IMMT: variants seen among roughly 807,000 people sequenced by gnomAD.
IMMT encodes MICOS complex subunit MIC60.
IMMT carries 40 observed loss-of-function variants against 92.7 expected under a neutral mutation model. The observed-to-expected ratio is 0.43, with a 90% CI of 0.34 to 0.56. The LOEUF (loss-of-function observed/expected upper bound fraction) is 0.56. Among genes scored for constraint, IMMT ranks in the 20% least tolerant of loss-of-function variants. The pLI is 0.03. For synonymous variants in IMMT, 322 were observed against 336.1 expected (o/e 0.96, Z 0.46); for missense variants, 831 against 912.1 (o/e 0.91, Z 1.14).
At chr2:86,149,600 G>T (rs746555572) in intron 12 of IMMT, among the ~76,000 whole-genome samples, 7 of 152,178 alleles carry the variant, frequency 4.6e-5, no homozygotes, top group Admixed American at 3.3e-4. Context: ...GGGGAAGGCC[G>T]GGCATGGTAC....
chr2:86,144,057 GT>G lies in IMMT; in HGVS notation c.*210del. ...AGTAAAACCTGAAAAAACAGAAAAT[GT>G]TACACAAGTTGCAAAGAAAGCACTC... On this transcript the variant is annotated 3_prime_UTR_variant, in exon 15 of 15. Coordinates refer to ENST00000410111, the MANE Select transcript of IMMT (RefSeq NM_006839.3). 1.6e-6 allele frequency: 1 copy of G among 610,642 alleles called. No homozygotes were observed. Among genetic ancestry groups the G allele is most frequent in the Non-Finnish European group, 2.8e-6 (1 of 351,124 alleles). The allele number at this position is 610,642 out of a possible 1,614,324, so 37.8% of individuals were successfully genotyped here.
At chr2:86,183,574 T>G (rs912075796) in intron 1 of IMMT, among the ~76,000 whole-genome samples, 4 of 152,132 alleles carry the variant, frequency 2.6e-5, no homozygotes, top group Admixed American at 2.6e-4. Context: ...AAATCTGAGG[T>G]TTTAAATAAT....
At chr2:86,180,261 A>G (rs1672339989) in intron 2 of IMMT, among the ~76,000 whole-genome samples, 1 of 150,910 alleles carries the variant, frequency 6.6e-6, no homozygotes, top group Non-Finnish European at 1.5e-5. Flanking sequence ...AACACAATAA[A>G]CTCTTTTTTT....
At chr2:86,165,210 G>A (rs1376365592) in intron 7 of IMMT, among the ~76,000 whole-genome samples, 1 of 152,138 alleles carries the variant, frequency 6.6e-6, no homozygotes, top group African/African-American at 2.4e-5. Context: ...GTAGTAACAT[G>A]GCATTTAAAG....
chr2:86,185,061 G>A (rs370521038), intron 1 of IMMT, among the ~76,000 whole-genome samples: 13 of 151,950 alleles, frequency 8.6e-5, no homozygotes, highest in Non-Finnish European at 1.5e-4. Context: ...GGCAGTGTGC[G>A]CCTGTAGTCC....
chr2:86,164,051 C>CT (rs1333229562), intron 7 of IMMT, among the ~76,000 whole-genome samples: 1 of 83,054 alleles, frequency 1.2e-5, no homozygotes, highest in African/African-American at 3.8e-5. Flanking sequence ...CCACTTTAGT[C>CT]ATTTTTTTTT....
At chr2:86,177,833 A>T (rs1677538597) in intron 3 of IMMT, among the ~76,000 whole-genome samples, 1 of 152,176 alleles carries the variant, frequency 6.6e-6, no homozygotes, top group Non-Finnish European at 1.5e-5. Flanking sequence ...GATAGCTGCA[A>T]CAGTATGGGA....
chr2:86,158,459 T>C, intron 10 of IMMT, 133 bp downstream of exon 10: 2 of 659,168 alleles, frequency 3.0e-6, no homozygotes, highest in Non-Finnish European at 5.0e-6. Flanking sequence ...GTGGTTAAAA[T>C]AAAACGCTGT....
intron 6 of IMMT, among the ~76,000 whole-genome samples, chr2:86,166,966 C>T (rs1271110061): frequency 3.3e-5 from 5 of 151,052 alleles, no homozygotes; most frequent in African/African-American, 9.7e-5. Flanking sequence ...GGCATGGTGG[C>T]GGGTGCCTGT....
rs747760924 is a variant in IMMT at position 86,151,469 on chromosome 2, C to T, written c.1229G>A (p.Arg410His). ...CTCTCTGTTCAGCTGATCAATACGA[C>T]GATGTGCATGAGCAATGAGGGAGTT... ...DLNSLIAHAH[R>H]RIDQLNRELA... The change falls in exon 12 of 15, where the codon CGT (arginine) becomes CAT (histidine). Residue 410 changes from arginine (R) to histidine (H), a missense_variant. Coordinates refer to ENST00000410111, the MANE Select transcript of IMMT (RefSeq NM_006839.3). The T allele has an allele frequency of 5.0e-6, 8 of 1,613,810 alleles. No homozygotes were observed. The African/African-American group carries it at 5.3e-5, about 11-fold the overall frequency.
chr2:86,159,881 A>T, intron 8 of IMMT: 1 of 363,306 alleles, frequency 2.8e-6, no homozygotes, highest in Non-Finnish European at 4.9e-6. Flanking sequence ...TAGGGAAACC[A>T]TGCCTCTATT....
chr2:86,182,876 A>AAAC (rs1553450692), intron 1 of IMMT, among the ~76,000 whole-genome samples: 45 of 150,736 alleles, frequency 3.0e-4, no homozygotes, highest in South Asian at 6.3e-4. Flanking sequence ...AAAAAAAAAC[A>AAAC]AAAACAAAAA....
chr2:86,163,158 C>T (rs1049917244), intron 7 of IMMT, among the ~76,000 whole-genome samples: 3 of 151,622 alleles, frequency 2.0e-5, no homozygotes, highest in Non-Finnish European at 4.4e-5. Flanking sequence ...CCCATTTCAA[C>T]GAAATAAAAA....
At position 86,163,959 on chromosome 2, in the gene IMMT, C is replaced by CAAAAAA. The variant is rs70953998; in HGVS notation, c.793-1886_793-1881dup. Among the ~76,000 whole-genome samples, 2 of 91,920 alleles carry CAAAAAA rather than the reference C, an allele frequency of 2.2e-5. 1 individual carries two copies. Among genetic ancestry groups the CAAAAAA allele is most frequent in the Non-Finnish European group, 4.6e-5 (2 of 43,588 alleles). The allele number at this position is 91,920 out of a possible 152,430, so 60.3% of individuals were successfully genotyped here. A position where few individuals can be genotyped will look rare whatever the true frequency, so the allele number is the denominator to read the frequency against. Reference sequence around the variant, plus strand: ...GGGCAACAAAGCAAGACTCCATCTCCAAAAAAAAAGAATGTTCTATGTAAA... The same window carrying CAAAAAA: ...GGGCAACAAAGCAAGACTCCATCTCCAAAAAAAAAAAAAAAGAATGTTCTATGTAAA... On this transcript the variant is annotated intron_variant, in intron 7 of 14. Coordinates refer to ENST00000410111, the MANE Select transcript of IMMT (RefSeq NM_006839.3).
At chr2:86,184,188 A>G (rs1672607202) in intron 1 of IMMT, among the ~76,000 whole-genome samples, 1 of 152,012 alleles carries the variant, frequency 6.6e-6, no homozygotes, top group African/African-American at 2.4e-5. Flanking sequence ...TTTTTTTAAG[A>G]GACTGAGTCT....
chr2:86,180,873 C>T (rs1324127461), intron 2 of IMMT, among the ~76,000 whole-genome samples: 2 of 150,878 alleles, frequency 1.3e-5, no homozygotes, highest in African/African-American at 2.4e-5. Flanking sequence ...GGCAACAGAG[C>T]GAGACTCTGT....
chr2:86,176,975 A>G (rs537115467), intron 3 of IMMT, among the ~76,000 whole-genome samples: 4 of 152,348 alleles, frequency 2.6e-5, no homozygotes, highest in Admixed American at 6.5e-5. Context: ...CAATATGGAC[A>G]TTTTAAAGTC....
chr2:86,151,194 A>C (rs1200381604), intron 12 of IMMT, 103 bp downstream of exon 12: 1 of 984,010 alleles, frequency 1.0e-6, no homozygotes, highest in Non-Finnish European at 1.5e-6. Flanking sequence ...CCGCGATTAC[A>C]GGCATGAACC....
intron 13 of IMMT, among the ~76,000 whole-genome samples, chr2:86,147,214 C>T (rs186458859): frequency 2.5e-4 from 38 of 152,294 alleles, no homozygotes; most frequent in Admixed American, 1.6e-3. Context: ...CCTTTTCATA[C>T]TGACATACAT....
Sources: gnomAD v4.1 joint callset for allele counts (sites outside exome capture counted in the v4.1 genomes callset) on GRCh38, gnomAD v4.1.1 for gene constraint, MANE v1.5 for transcripts, NCBI Gene and HGNC (gene_info 2026-07-23, HGNC 2026-07-21) for gene names.